The following AFF1 variants were observed in gnomAD, a reference collection of about 807,000 sequenced individuals.
The protein encoded by AFF1 is ALF transcription elongation factor 1.
A neutral mutation model predicts 121.7 loss-of-function variants in AFF1; 48 were observed. The ratio of observed to expected loss-of-function variants is 0.39; its 90% CI spans 0.31 to 0.50. AFF1 has a LOEUF of 0.50. AFF1 is among the 20% of genes least tolerant of loss of function. AFF1 has a pLI of 0.76. For synonymous variants in AFF1, 613 were observed against 563.0 expected, an observed-to-expected ratio of 1.09 and a Z score of -1.26; for missense variants, 1,523 against 1,511.7, an observed-to-expected ratio of 1.01 and a Z score of -0.12.
At chr4:86,985,469 G>A (rs924877564) in intron 2 of AFF1, among the ~76,000 whole-genome samples, 6 of 146,214 alleles carry the variant, frequency 4.1e-5, no homozygotes, top group Admixed American at 2.8e-4. Context: ...CAAGATCATT[G>A]CACTCCAGCC....
intron 2 of AFF1, among the ~76,000 whole-genome samples, chr4:86,996,882 A>C (rs187520774): frequency 2.0e-5 from 3 of 152,298 alleles, no homozygotes; most frequent in African/African-American, 7.2e-5. Flanking sequence ...ATGGGTTACC[A>C]TGGGAGGAGA....
At chr4:87,127,796 C>G in intron 16 of AFF1, 93 bp downstream of exon 16, 1 of 1,295,700 alleles carries the variant, frequency 7.7e-7, no homozygotes, top group Non-Finnish European at 1.1e-6. Flanking sequence ...CCATATCACT[C>G]AGCGTATGTG....
At chr4:87,127,149 T>C in intron 15 of AFF1, 32 bp downstream of exon 15, 10 of 1,526,304 alleles carry the variant, frequency 6.6e-6, no homozygotes, top group Non-Finnish European at 8.1e-6. Flanking sequence ...TCTTGCTCTG[T>C]TTTGTTTTGT....
chr4:86,940,127 C>T (rs1483683759), intron 1 of AFF1, among the ~76,000 whole-genome samples: 3 of 152,178 alleles, frequency 2.0e-5, no homozygotes, highest in African/African-American at 7.2e-5. Context: ...TGAGACTAGC[C>T]TGGGCAACAA....
intron 2 of AFF1, among the ~76,000 whole-genome samples, chr4:87,000,509 T>G (rs1354815297): frequency 6.6e-6 from 1 of 152,170 alleles, no homozygotes; most frequent in Non-Finnish European, 1.5e-5. Context: ...GTGTAAGATA[T>G]AAACAGGAAA....
chr4:87,028,460 TAGA>T (rs1425518697), intron 2 of AFF1, among the ~76,000 whole-genome samples: 1 of 152,094 alleles, frequency 6.6e-6, no homozygotes, highest in Non-Finnish European at 1.5e-5. Flanking sequence ...GGAAGATGAT[TAGA>T]AGAAGAGTAA....
intron 2 of AFF1, among the ~76,000 whole-genome samples, chr4:87,026,198 T>G (rs1728519110): frequency 6.6e-6 from 1 of 151,480 alleles, no homozygotes; most frequent in Non-Finnish European, 1.5e-5. Context: ...AGAGTGAAAC[T>G]CTGTCTCAAA....
At chr4:87,132,000 C>A in intron 18 of AFF1, 136 bp downstream of exon 18, 1 of 823,364 alleles carries the variant, frequency 1.2e-6, no homozygotes, top group Non-Finnish European at 1.8e-6. Flanking sequence ...AAGGTTAATC[C>A]CTCACTGATA....
intron 2 of AFF1, among the ~76,000 whole-genome samples, chr4:86,974,802 C>T (rs1016609294): frequency 6.6e-6 from 1 of 152,162 alleles, no homozygotes; most frequent in African/African-American, 2.4e-5. Flanking sequence ...GCTTTGGTGA[C>T]TAAAACGGGC....
In AFF1 at chr4:87,115,157, A is replaced by T; in HGVS notation, c.2324A>T (p.Asp775Val). Reference protein sequence around the residue: ...PQSLMVKITLDLLSRIPQPPG... With the variant: ...PQSLMVKITLVLLSRIPQPPG... Reference sequence around the variant, plus strand: ...AGCTTGATGGTGAAGATCACCCTAGACCTGCTCTCTCGGATACCCCAGCCT... The same window carrying T: ...AGCTTGATGGTGAAGATCACCCTAGTCCTGCTCTCTCGGATACCCCAGCCT... Residue 775 changes from aspartate to valine, a missense_variant, in exon 12 of 21, where the codon GAC becomes GTC. Around this residue, in one of 5 missense-constraint regions of AFF1, gnomAD observed 905 missense variants for 842.5 expected, o/e 1.07. Transcript: ENST00000395146. The T allele has an allele frequency of 6.2e-7, 1 of 1,614,074 alleles. No individual in the cohort carries two copies. Among genetic ancestry groups the T allele is most frequent in the Non-Finnish European group, 8.5e-7 (1 of 1,180,020 alleles).
intron 12 of AFF1, among the ~76,000 whole-genome samples, chr4:87,119,370 G>A (rs1376923578): frequency 2.0e-5 from 3 of 151,996 alleles, no homozygotes; most frequent in African/African-American, 7.2e-5. Context: ...CTTGAGCCCA[G>A]GAGTTCAAGA....
At chr4:87,021,524 A>G (rs1727897348) in intron 2 of AFF1, among the ~76,000 whole-genome samples, 1 of 152,216 alleles carries the variant, frequency 6.6e-6, no homozygotes, top group South Asian at 2.1e-4. Flanking sequence ...TCACAGTATC[A>G]TTGTTTCTGT....
At chr4:87,004,241 G>T (rs942169585) in intron 2 of AFF1, among the ~76,000 whole-genome samples, 1 of 152,170 alleles carries the variant, frequency 6.6e-6, no homozygotes, top group Non-Finnish European at 1.5e-5. Context: ...AAGAAGGCTC[G>T]ATGAGTGTGG....
chr4:87,016,533 CAG>C (rs1026932850), intron 2 of AFF1, among the ~76,000 whole-genome samples: 4 of 146,570 alleles, frequency 2.7e-5, no homozygotes, highest in Non-Finnish European at 4.5e-5. Flanking sequence ...GCCTGGGTGA[CAG>C]AGTCAGACTC....
At chr4:86,947,961 ACT>A (rs1720991691) in intron 1 of AFF1, among the ~76,000 whole-genome samples, 1 of 151,286 alleles carries the variant, frequency 6.6e-6, no homozygotes, top group Non-Finnish European at 1.5e-5. Flanking sequence ...CATAGTTGAC[ACT>A]CTTACCTTTT....
chr4:87,127,383 G>A (rs1053630149), intron 15 of AFF1, among the ~76,000 whole-genome samples: 11 of 151,960 alleles, frequency 7.2e-5, no homozygotes, highest in African/African-American at 2.4e-4. Context: ...GGCTGGTCTC[G>A]AACTCCTGAC....
chr4:86,974,805 A>G lies in AFF1; in HGVS notation c.38+26234A>G, dbSNP rs569101677. Among the ~76,000 whole-genome samples the G allele has an allele frequency of 3.3e-5, 5 of 152,326 alleles. No homozygotes were observed. The East Asian group carries it at 9.6e-4, about 29-fold the overall frequency. ...ATTCAGAAAAGAGCTTTGGTGACTA[A>G]AACGGGCGTCGTAATACAAAAACCA... On this transcript the variant is annotated intron_variant, in intron 2 of 20. Coordinates refer to ENST00000395146, the MANE Select transcript of AFF1 (RefSeq NM_001166693.3).
chr4:87,094,636 A>C (rs1292288971), intron 7 of AFF1, among the ~76,000 whole-genome samples: 1 of 152,206 alleles, frequency 6.6e-6, no homozygotes, highest in Non-Finnish European at 1.5e-5. Flanking sequence ...CACCCCTGTC[A>C]AGGACAGGGA....
At chr4:86,949,965 A>G in intron 2 of AFF1, 1 of 1,614,078 alleles carries the variant, frequency 6.2e-7, no homozygotes, top group Non-Finnish European at 8.5e-7. Context: ...ATGTGGATGG[A>G]GAAGTTGCCG....
Sources: allele counts gnomAD v4.1 joint callset (sites outside exome capture counted in the v4.1 genomes callset), GRCh38; gene constraint gnomAD v4.1.1; regional missense constraint gnomAD v4.1.1; transcripts MANE v1.5; gene names NCBI Gene and HGNC (gene_info 2026-07-23, HGNC 2026-07-21).